Variants in RBFOX1 observed in about 807,000 individuals in gnomAD.
RBFOX1 encodes the protein RNA binding protein fox-1 homolog 1.
A neutral mutation model predicts 57.7 loss-of-function variants in RBFOX1; 8 were observed. The observed-to-expected ratio is 0.14, with a 90% CI of 0.08 to 0.25. The LOEUF (loss-of-function observed/expected upper bound fraction) is 0.25, where lower values mean the gene tolerates loss of function less well. Among genes scored for constraint, RBFOX1 ranks in the 10% least tolerant of loss-of-function variants. RBFOX1 has a pLI of 1.00. For synonymous variants in RBFOX1, 326 were observed against 222.4 expected, an observed-to-expected ratio of 1.47 and a Z score of -4.15; for missense variants, 611 against 548.5, an observed-to-expected ratio of 1.11 and a Z score of -1.14.
chr16:7,074,804 C>G lies in RBFOX1; in HGVS notation c.27+22706C>G, dbSNP rs1453499491. 2.6e-5 allele frequency among the ~76,000 whole-genome samples: 4 copies of G among 152,132 alleles called. No individual in the cohort carries two copies. In the East Asian group the frequency reaches 7.7e-4, roughly 29 times the overall value. On this transcript the variant is annotated intron_variant, in intron 4 of 15. Transcript: ENST00000550418. ...AGAAATGCTTAAAACCAAAGATAAA[C>G]AGATGCATTTTCTTTTGGAAAAGAG...
intron 3 of RBFOX1, among the ~76,000 whole-genome samples, chr16:6,890,008 C>A (rs2065038761): frequency 6.6e-6 from 1 of 152,132 alleles, no homozygotes; most frequent in Non-Finnish European, 1.5e-5. Flanking sequence ...AGTTGCTTAC[C>A]ATTTATGGTT....
intron 3 of RBFOX1, among the ~76,000 whole-genome samples, chr16:6,695,574 G>T (rs1248921186): frequency 6.5e-5 from 3 of 46,010 alleles, no homozygotes; most frequent in African/African-American, 1.1e-4. Flanking sequence ...TTTCAAGTAT[G>T]AGATATAGAA....
chr16:5,952,476 G>A (rs1302656255), intron 4 of RBFOX1, among the ~76,000 whole-genome samples: 1 of 151,990 alleles, frequency 6.6e-6, no homozygotes, highest in Non-Finnish European at 1.5e-5. Context: ...TAATAGAGAT[G>A]GGGTTTCACT....
intron 2 of RBFOX1, among the ~76,000 whole-genome samples, chr16:6,526,203 G>A (rs2096575109): frequency 6.6e-6 from 1 of 152,194 alleles, no homozygotes; most frequent in African/African-American, 2.4e-5. Context: ...ATTAATTCGA[G>A]TGTTTAAAAA....
At chr16:5,734,218 C>T (rs535983097) in intron 3 of RBFOX1, among the ~76,000 whole-genome samples, 6 of 152,206 alleles carry the variant, frequency 3.9e-5, no homozygotes, top group African/African-American at 1.4e-4. Context: ...AATCTTAGCG[C>T]TTTGAGAGGC....
intron 4 of RBFOX1, among the ~76,000 whole-genome samples, chr16:7,059,921 T>C (rs2153745200): frequency 6.6e-6 from 1 of 152,284 alleles, no homozygotes; most frequent in African/African-American, 2.4e-5. Flanking sequence ...ACTAAATGCT[T>C]TGGAAACATT....
chr16:6,666,602 G>A lies in RBFOX1; in HGVS notation c.-16+11952G>A, dbSNP rs554079928. ...TCACCCAGGTGGTAACTGTGGAGGT[G>A]GGATTCAAACCCAGGAAGTCTTTGT... is the stretch of plus-strand genomic sequence containing the variant. On this transcript the variant is annotated intron_variant, in intron 3 of 15. Transcript: ENST00000550418. Among the ~76,000 whole-genome samples the A allele has an allele frequency of 2.6e-5, 4 of 151,692 alleles. No homozygotes were observed. In the East Asian group the frequency reaches 7.8e-4, roughly 29 times the overall value.
At position 6,392,677 on chromosome 16, in the gene RBFOX1, G is replaced by C. The variant is rs117352027; in HGVS notation, c.-64+75620G>C. Among the ~76,000 whole-genome samples the C allele has an allele frequency of 4.7e-3, 722 of 152,324 alleles. 7 individuals are homozygous for C. Among genetic ancestry groups the C allele is most frequent in the Non-Finnish European group, 4.7e-3 (317 of 68,038 alleles). On this transcript the variant is annotated intron_variant, in intron 2 of 15. Coordinates refer to ENST00000550418, the MANE Select transcript of RBFOX1 (RefSeq NM_018723.4). ...CTAATGGGATGCAGACAGTGCCTCA[G>C]AGTAGATGTTGTTCCATAAATATCT...
chr16:7,103,234 C>T lies in RBFOX1; in HGVS notation c.27+51136C>T, dbSNP rs559957339. ...AAAAACCAATGACCTCATTCTTTTG[C>T]ATTTGTATCAACTTTGATTTCCAGA... On this transcript the variant is annotated intron_variant, in intron 4 of 15. Transcript: ENST00000550418. Among the ~76,000 whole-genome samples, 19 of 152,230 alleles carry T rather than the reference C, an allele frequency of 1.2e-4. No homozygotes were observed. The South Asian group carries it at 3.7e-3, about 30-fold the overall frequency.
intron 3 of RBFOX1, among the ~76,000 whole-genome samples, chr16:6,681,967 G>C (rs2058711907): frequency 6.6e-6 from 1 of 152,082 alleles, no homozygotes; most frequent in African/African-American, 2.4e-5. Flanking sequence ...TTTCTTTTCT[G>C]AACCTTTATT....
intron 4 of RBFOX1, chr16:7,126,637 C>A: frequency 1.3e-5 from 2 of 157,468 alleles, no homozygotes; most frequent in South Asian, 3.4e-4. Context: ...TTTTCTTAGT[C>A]ATCTTGGAGG....
chr16:6,750,415 G>C (rs934622120), intron 3 of RBFOX1, among the ~76,000 whole-genome samples: 31 of 152,182 alleles, frequency 2.0e-4, no homozygotes, highest in African/African-American at 7.2e-4. Flanking sequence ...GCTGAAACCA[G>C]GGTGGCTCAG....
At chr16:7,125,414 G>A (rs1600239604) in intron 4 of RBFOX1, among the ~76,000 whole-genome samples, 1 of 152,142 alleles carries the variant, frequency 6.6e-6, no homozygotes. Context: ...GTCAACTCTT[G>A]TATCCACAAG....
chr16:6,436,511 C>CTT (rs61508952), intron 2 of RBFOX1, among the ~76,000 whole-genome samples: 21,296 of 103,110 alleles, frequency 0.21, 2,177 homozygotes, highest in East Asian at 0.3. Flanking sequence ...TTTTTCTTCA[C>CTT]TTTTTTTTTT....
intron 3 of RBFOX1, among the ~76,000 whole-genome samples, chr16:5,716,632 TC>T (rs1306375745): frequency 1.3e-5 from 2 of 152,214 alleles, no homozygotes; most frequent in African/African-American, 2.4e-5. Flanking sequence ...AGTTCAGCCA[TC>T]GTGCAAGACA....
At chr16:6,972,491 G>T (rs569910247) in intron 3 of RBFOX1, among the ~76,000 whole-genome samples, 7 of 152,246 alleles carry the variant, frequency 4.6e-5, no homozygotes, top group South Asian at 2.1e-4. Context: ...TCATCTGTCA[G>T]TGGACATTTG....
intron 1 of RBFOX1, among the ~76,000 whole-genome samples, chr16:5,277,738 A>G (rs925890843): frequency 6.6e-6 from 1 of 152,342 alleles, no homozygotes. Flanking sequence ...CATATAAGTG[A>G]GAACATGCAA....
At chr16:6,003,707 G>A (rs2060643252) in intron 4 of RBFOX1, among the ~76,000 whole-genome samples, 1 of 152,236 alleles carries the variant, frequency 6.6e-6, no homozygotes, top group Non-Finnish European at 1.5e-5. Flanking sequence ...CCTTGGCCAA[G>A]TTCTTTAACA....
intron 2 of RBFOX1, among the ~76,000 whole-genome samples, chr16:5,575,800 T>G (rs2046431419): frequency 2.0e-5 from 3 of 151,802 alleles, no homozygotes; most frequent in African/African-American, 4.8e-5. Flanking sequence ...CTTCTTGGGC[T>G]GGAATGTGCC....
Sources: gnomAD v4.1 joint callset for allele counts (sites outside exome capture counted in the v4.1 genomes callset) on GRCh38, gnomAD v4.1.1 for gene constraint, MANE v1.5 for transcripts, NCBI Gene and HGNC (gene_info 2026-07-23, HGNC 2026-07-21) for gene names.